Variants in MCRIP1 observed in about 807,000 individuals in gnomAD.
MCRIP1 encodes MAPK regulated corepressor interacting protein 1.
A neutral mutation model predicts 14.4 loss-of-function variants in MCRIP1; 10 were observed. The observed-to-expected ratio is 0.70, with a 90% CI of 0.43 to 1.18. The LOEUF is 1.18. Ranked by LOEUF, MCRIP1 falls within the 50% of genes most tolerant of loss-of-function variation. The probability of loss-of-function intolerance (pLI) is 0.00; values close to 1 mark genes in which losing one functional copy is unlikely to be tolerated. For missense variants in MCRIP1, 119 were observed against 135.4 expected (o/e 0.88, Z 0.60); for synonymous variants, 53 against 55.7 (o/e 0.95, Z 0.21).
At chr17:81,827,567 G>A (rs963773256) in intron 1 of MCRIP1, among the ~76,000 whole-genome samples, 9 of 149,786 alleles carry the variant, frequency 6.0e-5, no homozygotes, top group Admixed American at 1.3e-4. Flanking sequence ...CACCACGCCC[G>A]GCCGGCAAAA....
In MCRIP1 at chr17:81,824,522, T is replaced by C; in HGVS notation, c.-16A>G. The C allele has an allele frequency of 2.0e-6, 3 of 1,535,948 alleles. No homozygotes were observed. Among genetic ancestry groups the C allele is most frequent in the Non-Finnish European group, 2.6e-6 (3 of 1,146,756 alleles). ...ACCTGGTCATCGCGGGGGCGTCTGA[T>C]CCTAGCGCTCCACCGCCAGATCCCC... On this transcript the variant is annotated 5_prime_UTR_variant, in exon 2 of 5. Transcript: ENST00000455127.
chr17:81,823,036 C>A lies in MCRIP1; in HGVS notation c.*211G>T. ...GGCAGGAGGGTGGGCAGGGCCCAGA[C>A]CCCCATGATGGGGGCAGCCTGAGAC... On this transcript the variant is annotated 3_prime_UTR_variant, in exon 5 of 5. Coordinates refer to ENST00000455127, the MANE Select transcript of MCRIP1 (RefSeq NM_207368.5). This position sits in a 1 kb window ranked among gnomAD's most constrained non-coding sequence, Gnocchi z 6.0. 1.6e-6 allele frequency: 1 copy of A among 614,748 alleles called. No individual in the cohort carries two copies. Among genetic ancestry groups the A allele is most frequent in the Non-Finnish European group, 2.9e-6 (1 of 347,072 alleles). The allele number at this position is 614,748 out of a possible 1,614,324, so 38.1% of individuals were successfully genotyped here.
rs532111411 is a variant in MCRIP1 at position 81,832,843 on chromosome 17, G to T, written c.-49+395C>A. 2.3e-3 allele frequency among the ~76,000 whole-genome samples: 347 copies of T among 152,332 alleles called. 2 individuals carry two copies. The highest frequency in any genetic ancestry group is 8.1e-3 in the African/African-American group (337 of 41,590). Reference sequence around the variant, plus strand: ...CGGGCCCGCGGCGCTCCGAGAATCGGAGGCATCCTCAGGCACGGTCCCTCC... The same window carrying T: ...CGGGCCCGCGGCGCTCCGAGAATCGTAGGCATCCTCAGGCACGGTCCCTCC... On this transcript the variant is annotated intron_variant, in intron 1 of 4. Coordinates refer to ENST00000455127, the MANE Select transcript of MCRIP1 (RefSeq NM_207368.5).
intron 1 of MCRIP1, chr17:81,826,005 C>T (rs748835000): frequency 1.4e-5 from 19 of 1,364,720 alleles, no homozygotes; most frequent in African/African-American, 1.3e-4. Context: ...CACCACTGAC[C>T]GACTGCTGCT....
intron 1 of MCRIP1, among the ~76,000 whole-genome samples, chr17:81,832,294 C>T (rs532659035): frequency 2.0e-5 from 3 of 152,274 alleles, no homozygotes; most frequent in Admixed American, 6.5e-5. Context: ...CCTTGAAGAC[C>T]GCCCAGGGAA....
chr17:81,832,694 C>A (rs370268219), intron 1 of MCRIP1, among the ~76,000 whole-genome samples: 11 of 152,394 alleles, frequency 7.2e-5, no homozygotes, highest in Non-Finnish European at 1.5e-4. Context: ...TCACAACCAC[C>A]GCCCAGTGAG....
chr17:81,829,405 G>T (rs145044911), intron 1 of MCRIP1, among the ~76,000 whole-genome samples: 1 of 152,170 alleles, frequency 6.6e-6, no homozygotes, highest in African/African-American at 2.4e-5. Flanking sequence ...GCGATGCCTC[G>T]GTCCCGTTTT....
rs762739567 is a variant in MCRIP1 at position 81,825,902 on chromosome 17, T to C, written c.-48-1348A>G. On this transcript the variant is annotated intron_variant, in intron 1 of 4. Transcript: ENST00000455127. ...TTGGGTTGAGGGTCCCACAGGGACA[T>C]GCTGCCTGCTGGGAAGCTCCCGTTA... The C allele has an allele frequency of 5.0e-5, 65 of 1,292,250 alleles. 1 individual carries two copies. The South Asian group carries it at 6.8e-4, about 13-fold the overall frequency. 80.0% of individuals were successfully genotyped at this position (1,292,250 alleles called of 1,614,324 possible).
At position 81,830,363 on chromosome 17, in the gene MCRIP1, G is replaced by T. The variant is rs532960511; in HGVS notation, c.-49+2875C>A. ...AGAATGAAAGGGGCTGGGGCCAGGC[G>T]TGGTGGCTCACGCCTGTAATCCCAG... On this transcript the variant is annotated intron_variant, in intron 1 of 4. Transcript: ENST00000455127. 1.2e-4 allele frequency among the ~76,000 whole-genome samples: 18 copies of T among 152,374 alleles called. No individual in the cohort carries two copies. The South Asian group carries it at 3.7e-3, about 32-fold the overall frequency.
rs570218316 is a variant in MCRIP1 at position 81,822,928 on chromosome 17, AG to A, written c.*318del. ...TGATCCTGCAGTGGCCAGGGGCAGG[AG>A]GGTGAGGGGAGAGGAGAGAGGTCAG... is the stretch of plus-strand genomic sequence containing the variant. On this transcript the variant is annotated 3_prime_UTR_variant, in exon 5 of 5. Coordinates refer to ENST00000455127, the MANE Select transcript of MCRIP1 (RefSeq NM_207368.5). 1.2e-4 allele frequency: 63 copies of A among 514,954 alleles called. No individual in the cohort carries two copies. The highest frequency in any genetic ancestry group is 9.4e-4 in the African/African-American group (49 of 52,212). 31.9% of individuals were successfully genotyped at this position (514,954 alleles called of 1,614,324 possible).
At chr17:81,831,749 G>A (rs752285715) in intron 1 of MCRIP1, among the ~76,000 whole-genome samples, 1 of 152,178 alleles carries the variant, frequency 6.6e-6, no homozygotes, top group African/African-American at 2.4e-5. Context: ...GGCTCAGCCC[G>A]AATGCTGCAG....
intron 1 of MCRIP1, among the ~76,000 whole-genome samples, chr17:81,831,140 C>T (rs1598255990): frequency 6.8e-6 from 1 of 145,998 alleles, no homozygotes; most frequent in Non-Finnish European, 1.5e-5. Context: ...CCACTGCACT[C>T]CAGCCTGGGC....
chr17:81,826,095 C>A, intron 1 of MCRIP1: 1 of 1,477,284 alleles, frequency 6.8e-7, no homozygotes, highest in Non-Finnish European at 9.0e-7. Context: ...GGCCACTTGG[C>A]CTTTATGCAG....
rs1232213197 is a variant in MCRIP1 at position 81,822,898 on chromosome 17, C to T, written c.*349G>A. 2.2e-6 allele frequency: 1 copy of T among 451,642 alleles called. No individual in the cohort carries two copies. Among genetic ancestry groups the T allele is most frequent in the Non-Finnish European group, 4.0e-6 (1 of 248,360 alleles). 28.0% of individuals were successfully genotyped at this position (451,642 alleles called of 1,614,324 possible). Reference sequence around the variant, plus strand: ...AGGCAGCAGAGGCTCCTTCTTCTCCCCTCCTGATCCTGCAGTGGCCAGGGG... The same window carrying T: ...AGGCAGCAGAGGCTCCTTCTTCTCCTCTCCTGATCCTGCAGTGGCCAGGGG... On this transcript the variant is annotated 3_prime_UTR_variant, in exon 5 of 5. Coordinates refer to ENST00000455127, the MANE Select transcript of MCRIP1 (RefSeq NM_207368.5).
At chr17:81,827,849 T>C (rs1009095708) in intron 1 of MCRIP1, among the ~76,000 whole-genome samples, 1 of 147,994 alleles carries the variant, frequency 6.8e-6, no homozygotes, top group African/African-American at 2.5e-5. Flanking sequence ...GGCGCGATCT[T>C]GGCTCACTGC....
chr17:81,828,670 G>C (rs1338633203), intron 1 of MCRIP1, among the ~76,000 whole-genome samples: 1 of 152,152 alleles, frequency 6.6e-6, no homozygotes, highest in Non-Finnish European at 1.5e-5. Flanking sequence ...CGGACACCAA[G>C]CACAAGAGCA....
intron 2 of MCRIP1, 45 bp from the exon 3 acceptor site, chr17:81,824,450 A>G: frequency 3.3e-6 from 5 of 1,532,342 alleles, no homozygotes; most frequent in Non-Finnish European, 4.4e-6. Flanking sequence ...GCAGGGTGGG[A>G]GCCCACAACC....
chr17:81,824,532 C>T lies in MCRIP1; in HGVS notation c.-26G>A. On this transcript the variant is annotated 5_prime_UTR_variant, in exon 2 of 5. Transcript: ENST00000455127. Reference sequence around the variant, plus strand: ...CGCGGGGGCGTCTGATCCTAGCGCTCCACCGCCAGATCCCCTCAGCCTCTG... The same window carrying T: ...CGCGGGGGCGTCTGATCCTAGCGCTTCACCGCCAGATCCCCTCAGCCTCTG... The T allele has an allele frequency of 6.5e-7, 1 of 1,535,976 alleles. No homozygotes were observed. Among genetic ancestry groups the T allele is most frequent in the Non-Finnish European group, 8.7e-7 (1 of 1,146,744 alleles).
chr17:81,823,880 C>G lies in MCRIP1; in HGVS notation c.128-367G>C, dbSNP rs2038326923. On this transcript the variant is annotated intron_variant, in intron 3 of 4. Transcript: ENST00000455127. The surrounding 1 kb of genome is among the most constrained non-coding windows in gnomAD (Gnocchi z 6.0). ...CAGCACACGGCACACTCCCCTAATC[C>G]CAGACAACCACCTCCCGGCCACTTC... 1 of 530,118 alleles carries G rather than the reference C, an allele frequency of 1.9e-6. No homozygotes were observed. Among genetic ancestry groups the G allele is most frequent in the East Asian group, 3.3e-5 (1 of 30,306 alleles). 32.8% of individuals were successfully genotyped at this position (530,118 alleles called of 1,614,324 possible).
Sources: gnomAD v4.1 joint callset for allele counts (sites outside exome capture counted in the v4.1 genomes callset) on GRCh38, gnomAD v4.1.1 for gene constraint, Gnocchi (gnomAD v3.1) non-coding constraint, MANE v1.5 for transcripts, NCBI Gene and HGNC (gene_info 2026-07-23, HGNC 2026-07-21) for gene names.